SMG6: variants seen among roughly 807,000 people sequenced by gnomAD.
SMG6 encodes the protein telomerase-binding protein EST1A.
Under a neutral mutation model 142.2 loss-of-function variants are expected in SMG6, and 66 were observed. The observed-to-expected ratio is 0.46, with a 90% CI of 0.38 to 0.57. SMG6 has a LOEUF of 0.57. SMG6 is among the 20% of genes least tolerant of loss of function. The pLI, the probability that SMG6 is intolerant of heterozygous loss-of-function variation, is 0.00. For synonymous variants in SMG6, 779 were observed against 702.4 expected, an observed-to-expected ratio of 1.11 and a Z score of -1.72; for missense variants, 1,793 against 1,832.0, an observed-to-expected ratio of 0.98 and a Z score of 0.39.
At chr17:2,297,717 G>A in intron 3 of SMG6, 146 bp downstream of exon 3, 1 of 786,894 alleles carries the variant, frequency 1.3e-6, no homozygotes, top group South Asian at 1.7e-5. Context: ...GGAAGCAACT[G>A]GTGTAGGGAA....
At chr17:2,088,083 C>T (rs1315133678) in intron 13 of SMG6, 2 of 985,420 alleles carry the variant, frequency 2.0e-6, no homozygotes, top group Non-Finnish European at 2.4e-6. Flanking sequence ...TGTCCTTGGC[C>T]TCACCTGGAC....
At chr17:2,290,958 C>A (rs1180557260) in intron 6 of SMG6, among the ~76,000 whole-genome samples, 1 of 152,118 alleles carries the variant, frequency 6.6e-6, no homozygotes, top group Non-Finnish European at 1.5e-5. Context: ...AGACAGAAAT[C>A]AGACTAGTGG....
intron 8 of SMG6, among the ~76,000 whole-genome samples, chr17:2,271,870 T>C (rs975236639): frequency 4.6e-5 from 7 of 152,218 alleles, no homozygotes; most frequent in South Asian, 2.1e-4. Flanking sequence ...CCTAAGTGCA[T>C]TGTCTAAAAG....
At chr17:2,183,617 C>T (rs2071873583) in intron 12 of SMG6, among the ~76,000 whole-genome samples, 1 of 152,264 alleles carries the variant, frequency 6.6e-6, no homozygotes, top group East Asian at 1.9e-4. Context: ...ACACTAAAAT[C>T]TGACTTTTAT....
At position 2,266,064 on chromosome 17, in the gene SMG6, TC is replaced by T. The variant is rs1174953589; in HGVS notation, c.2661+16582del. On this transcript the variant is annotated intron_variant, in intron 8 of 18. Coordinates refer to ENST00000263073, the MANE Select transcript of SMG6 (RefSeq NM_017575.5). The stretch of plus-strand genomic sequence containing the variant: ...ACCAGGAAGAGCACAGAAATGCCTT[TC>T]CCCCCTCTTCAGGATCTAGTACTTT... 4 of 985,328 alleles carry T rather than the reference TC, an allele frequency of 4.1e-6. No individual in the cohort carries two copies. In the African/African-American group the frequency reaches 5.2e-5, roughly 13 times the overall value. 61.0% of individuals were successfully genotyped at this position (985,328 alleles called of 1,614,324 possible).
At position 2,100,250 on chromosome 17, in the gene SMG6, C is replaced by A. The variant is rs576218054; in HGVS notation, c.3358-14349G>T. Among the ~76,000 whole-genome samples the A allele has an allele frequency of 1.4e-4, 21 of 152,280 alleles. No homozygotes were observed. The South Asian group carries it at 1.9e-3, about 14-fold the overall frequency. The stretch of plus-strand genomic sequence containing the variant: ...ATGAGGTTTTGCCATGTTGGCCAGG[C>A]TAGTCTCAAACTCCTGGCCTCAAAT... On this transcript the variant is annotated intron_variant, in intron 13 of 18. Coordinates refer to ENST00000263073, the MANE Select transcript of SMG6 (RefSeq NM_017575.5).
intron 10 of SMG6, among the ~76,000 whole-genome samples, chr17:2,195,870 T>C (rs780316400): frequency 1.3e-5 from 2 of 152,146 alleles, no homozygotes; most frequent in African/African-American, 2.4e-5. Context: ...CCACATTGTT[T>C]GCATATCTGA....
intron 13 of SMG6, among the ~76,000 whole-genome samples, chr17:2,126,928 A>G (rs1340219579): frequency 6.6e-6 from 1 of 151,882 alleles, no homozygotes; most frequent in East Asian, 1.9e-4. Flanking sequence ...ACAAACATAC[A>G]TGCACACATG....
rs767544218 is a variant in SMG6, at chr17:2,297,360, A to G, written c.2041-7T>C. 18 of 1,582,242 alleles carry G rather than the reference A, an allele frequency of 1.1e-5. No individual in the cohort carries two copies. Among genetic ancestry groups the G allele is most frequent in the Middle Eastern group, 1.7e-4 (1 of 5,930 alleles). ...TATCAAAGAAGTCACTACCCTATAA[A>G]AAGAAAAAAAGAAATGACTGAATCA... On this transcript the variant is annotated splice_polypyrimidine_tract_variant and splice_region_variant and intron_variant, in intron 3 of 18. Coordinates refer to ENST00000263073, the MANE Select transcript of SMG6 (RefSeq NM_017575.5).
chr17:2,166,012 G>C (rs185555311), intron 13 of SMG6, among the ~76,000 whole-genome samples: 1 of 152,274 alleles, frequency 6.6e-6, no homozygotes, highest in East Asian at 1.9e-4. Context: ...AGGAGTCTGA[G>C]ACCAGCCTGG....
At chr17:2,218,810 T>C (rs557452413) in intron 10 of SMG6, among the ~76,000 whole-genome samples, 24 of 152,250 alleles carry the variant, frequency 1.6e-4, no homozygotes, top group Admixed American at 1.3e-3. Context: ...GAGTGAACCC[T>C]AATGTAAACT....
chr17:2,135,704 A>C (rs1421707166), intron 13 of SMG6, among the ~76,000 whole-genome samples: 1 of 152,114 alleles, frequency 6.6e-6, no homozygotes, highest in Non-Finnish European at 1.5e-5. Flanking sequence ...TGACTGATTG[A>C]TTGAAACAGT....
At chr17:2,248,667 G>C (rs2073975495) in intron 8 of SMG6, among the ~76,000 whole-genome samples, 1 of 152,104 alleles carries the variant, frequency 6.6e-6, no homozygotes, top group Admixed American at 6.6e-5. Flanking sequence ...TAGTTAATGA[G>C]AACCACCGCT....
intron 10 of SMG6, chr17:2,235,971 G>A (rs1480808277): frequency 1.3e-5 from 2 of 152,088 alleles, no homozygotes; most frequent in African/African-American, 2.4e-5. Context: ...GGTGGTTTTT[G>A]TGCTTCCAGA....
intron 10 of SMG6, among the ~76,000 whole-genome samples, chr17:2,189,444 C>T (rs922991817): frequency 2.6e-5 from 4 of 152,148 alleles, no homozygotes. Flanking sequence ...ACACAGCCTC[C>T]GAGGAGGAGA....
At chr17:2,212,801 C>T (rs1460178312) in intron 10 of SMG6, 1 of 152,272 alleles carries the variant, frequency 6.6e-6, no homozygotes, top group Non-Finnish European at 1.5e-5. Context: ...CCGGGACCTA[C>T]TCAAGCGGGA....
At chr17:2,120,570 A>C (rs1445076033) in intron 13 of SMG6, among the ~76,000 whole-genome samples, 9 of 152,234 alleles carry the variant, frequency 5.9e-5, no homozygotes, top group Non-Finnish European at 1.2e-4. Context: ...AAATTGTAAT[A>C]AAATGAGCCC....
At chr17:2,112,222 C>A (rs1416231060) in intron 13 of SMG6, among the ~76,000 whole-genome samples, 2 of 151,434 alleles carry the variant, frequency 1.3e-5, no homozygotes, top group Non-Finnish European at 2.9e-5. Flanking sequence ...AAAAAAAAGT[C>A]GGCCGGGCGC....
intron 13 of SMG6, among the ~76,000 whole-genome samples, chr17:2,171,107 C>T (rs2071488479): frequency 6.6e-6 from 1 of 151,874 alleles, no homozygotes; most frequent in Admixed American, 6.6e-5. Context: ...AACCCCATCT[C>T]TATAAAAAAT....
Sources: gnomAD v4.1 joint callset for allele counts (sites outside exome capture counted in the v4.1 genomes callset) on GRCh38, gnomAD v4.1.1 for gene constraint, MANE v1.5 for transcripts, NCBI Gene and HGNC (gene_info 2026-07-23, HGNC 2026-07-21) for gene names.